The following PABIR3 variants were observed in gnomAD, a reference collection of about 807,000 sequenced individuals.
PABIR3 encodes the protein PABIR family member 3.
Under a neutral mutation model 23.1 loss-of-function variants are expected in PABIR3, and 20 were observed. That is an observed-to-expected ratio of 0.86 (90% CI 0.61 to 1.26). PABIR3 has a LOEUF of 1.26. Among genes scored for constraint, PABIR3 ranks in the 50% most tolerant of loss-of-function variants. The pLI, the probability that PABIR3 is intolerant of heterozygous loss-of-function variation, is 0.00. For synonymous variants in PABIR3, 69 were observed against 68.5 expected (o/e 1.01, Z -0.04); for missense variants, 189 against 195.4 (o/e 0.97, Z 0.20).
At chrX:134,828,012 T>C (rs1004606961) in intron 3 of PABIR3, among the ~76,000 whole-genome samples, 2 of 48,204 alleles carry the variant, frequency 4.1e-5, no homozygotes, top group Admixed American at 2.7e-4. Flanking sequence ...AGCTCAGTGC[T>C]CTCTCTCTCT....
intron 2 of PABIR3, among the ~76,000 whole-genome samples, chrX:134,814,536 A>G (rs2080860236): frequency 9.1e-6 from 1 of 110,403 alleles, no homozygotes; most frequent in African/African-American, 3.3e-5. Flanking sequence ...CGTCTCTACT[A>G]AAAATACAAA....
intron 3 of PABIR3, among the ~76,000 whole-genome samples, chrX:134,817,580 C>A (rs1011079610): frequency 1.9e-5 from 2 of 107,381 alleles, no homozygotes; most frequent in Admixed American, 1.0e-4. Flanking sequence ...CAGGGGTAGA[C>A]AATATTCCTG....
intron 3 of PABIR3, among the ~76,000 whole-genome samples, chrX:134,828,175 C>T (rs946907922): frequency 3.7e-5 from 4 of 106,768 alleles, no homozygotes; most frequent in Non-Finnish European, 5.8e-5. Context: ...ATGAGCCTCC[C>T]GTGCCTGGCC....
intron 1 of PABIR3, among the ~76,000 whole-genome samples, chrX:134,797,406 A>G (rs756745522): frequency 2.5e-4 from 28 of 112,965 alleles, no homozygotes; most frequent in Non-Finnish European, 4.7e-4. Flanking sequence ...AGCTTTCAGG[A>G]GGAGTTTGGG....
chrX:134,859,028 T>G (rs2082761272), downstream of PABIR3, among the ~76,000 whole-genome samples: 1 of 111,863 alleles, frequency 8.9e-6, no homozygotes, highest in Non-Finnish European at 1.9e-5. Flanking sequence ...ACATAAATGC[T>G]CATGTCAGCC....
At chrX:134,828,162 G>A (rs928558325) in intron 3 of PABIR3, among the ~76,000 whole-genome samples, 1 of 104,767 alleles carries the variant, frequency 9.5e-6, no homozygotes, top group African/African-American at 3.5e-5. Flanking sequence ...CGGAATAATA[G>A]GCATGAGCCT....
At chrX:134,814,890 T>G (rs754268217) in intron 3 of PABIR3, 41 bp downstream of exon 3, 8 of 1,003,331 alleles carry the variant, frequency 8.0e-6, no homozygotes, top group Non-Finnish European at 1.1e-5. Context: ...CTAAGACTTG[T>G]GCTTATTGGT....
chrX:134,842,320 T>C (rs2082260626), intron 4 of PABIR3, among the ~76,000 whole-genome samples: 1 of 112,221 alleles, frequency 8.9e-6, no homozygotes, highest in Admixed American at 9.5e-5. Context: ...AAAAGTTTTT[T>C]TAATTTCTCT....
chrX:134,803,905 G>GTT (rs766676054), upstream of PABIR3, among the ~76,000 whole-genome samples: 1,171 of 98,711 alleles, frequency 0.012, 20 homozygotes, highest in African/African-American at 0.042. Flanking sequence ...TTGCCTGCTA[G>GTT]TTTTTTTTTT....
chrX:134,862,142 GT>G, the PABIR3 span, among the ~76,000 whole-genome samples: 760 of 47,885 alleles, frequency 0.016, no homozygotes, highest in African/African-American at 0.041. Flanking sequence ...TTTATTGGCT[GT>G]TTTTTTTTTT....
At chrX:134,811,988 G>A (rs1460398995) in intron 2 of PABIR3, among the ~76,000 whole-genome samples, 5 of 112,143 alleles carry the variant, frequency 4.5e-5, no homozygotes, top group Non-Finnish European at 9.4e-5. Flanking sequence ...TTTTACGAAC[G>A]TGGAAGAATA....
chrX:134,836,583 T>C (rs1485479854), intron 4 of PABIR3, among the ~76,000 whole-genome samples: 2 of 112,096 alleles, frequency 1.8e-5, no homozygotes, highest in Non-Finnish European at 3.8e-5. Context: ...TCACATAGTG[T>C]TCTCCGTGTA....
intron 3 of PABIR3, chrX:134,821,787 A>G (rs760006079): frequency 4.5e-6 from 4 of 882,224 alleles, no homozygotes; most frequent in Middle Eastern, 5.6e-4. Context: ...ATTATAAACC[A>G]TCTTAAATCA....
In PABIR3 at chrX:134,809,846, G is replaced by T. The variant is rs751110428; in HGVS notation, c.110+2138G>T. On this transcript the variant is annotated intron_variant, in intron 2 of 10. Transcript: ENST00000645433. ...TAACTCTAAATGAATGCAGCTTTTG[G>T]GTCATTTGAGGTAGGAGAGAATATA... 29 of 752,108 alleles carry T rather than the reference G, an allele frequency of 3.9e-5. No homozygotes were observed. In the South Asian group the frequency reaches 1.6e-3, roughly 42 times the overall value. The allele number at this position is 752,108 out of a possible 1,213,427, so 62.0% of individuals were successfully genotyped here. A position where few individuals can be genotyped will look rare whatever the true frequency, so the allele number is the denominator to read the frequency against.
At chrX:134,809,269 G>GTTCACACC (rs2080469920) in intron 2 of PABIR3, 1 of 118,480 alleles carries the variant, frequency 8.4e-6, no homozygotes, top group Admixed American at 9.7e-5. Flanking sequence ...GGGTTCAAGC[G>GTTCACACC]ATTCTCCTGC....
intron 8 of PABIR3, 132 bp from the exon 9 acceptor site, chrX:134,849,035 G>A (rs1355156149): frequency 2.8e-5 from 7 of 247,344 alleles, no homozygotes; most frequent in Non-Finnish European, 7.0e-6. Flanking sequence ...ACAAAGAAAA[G>A]CAGTAAAATG....
intron 4 of PABIR3, among the ~76,000 whole-genome samples, chrX:134,843,562 CTTTTTTTTTTTTT>C (rs140467304): frequency 9.5e-5 from 4 of 42,306 alleles, no homozygotes; most frequent in Non-Finnish European, 1.2e-4. Context: ...AGGCTTATTT[CTTTTTTTTTTTTT>C]TTTTTTTTTT....
chrX:134,810,697 C>T (rs2080600169), intron 2 of PABIR3: 1 of 748,660 alleles, frequency 1.3e-6, no homozygotes, highest in South Asian at 6.8e-5. Context: ...ACTTTTCTCC[C>T]TTTTTTTTTC....
intron 3 of PABIR3, among the ~76,000 whole-genome samples, chrX:134,828,010 G>GCTCTCTCTCTCTCTCTCT (rs1167724649): frequency 1.6e-5 from 1 of 61,298 alleles, no homozygotes; most frequent in African/African-American, 6.7e-5. Context: ...CTAGCTCAGT[G>GCTCTCTCTCTCTCTCTCT]CTCTCTCTCT....
Sources: allele counts gnomAD v4.1 joint callset (sites outside exome capture counted in the v4.1 genomes callset), GRCh38; gene constraint gnomAD v4.1.1; transcripts MANE v1.5; gene names NCBI Gene and HGNC (gene_info 2026-07-23, HGNC 2026-07-21).